VWA8: variants seen among roughly 807,000 people sequenced by gnomAD.
VWA8 encodes the protein von Willebrand factor A domain-containing protein 8.
Under a neutral mutation model 241.5 loss-of-function variants are expected in VWA8, and 221 were observed. The ratio of observed to expected loss-of-function variants is 0.91; its 90% CI spans 0.82 to 1.02. The LOEUF (loss-of-function observed/expected upper bound fraction) is 1.02. Among genes scored for constraint, VWA8 ranks in the 50% least tolerant of loss-of-function variants. VWA8 has a pLI of 0.00. For synonymous variants in VWA8, 852 were observed against 827.1 expected, an observed-to-expected ratio of 1.03 and a Z score of -0.52; for missense variants, 2,322 against 2,328.7, an observed-to-expected ratio of 1.00 and a Z score of 0.06.
intron 3 of VWA8, among the ~76,000 whole-genome samples, chr13:41,908,342 T>C (rs907860074): frequency 6.6e-6 from 1 of 152,140 alleles, no homozygotes; most frequent in Non-Finnish European, 1.5e-5. Flanking sequence ...GGCGCATGCC[T>C]GTAGTCCCTG....
intron 12 of VWA8, among the ~76,000 whole-genome samples, chr13:41,860,706 A>T (rs930886206): frequency 6.6e-6 from 1 of 152,210 alleles, no homozygotes; most frequent in Admixed American, 6.5e-5. Context: ...ACATAACAAG[A>T]TAGCATACTC....
intron 5 of VWA8, among the ~76,000 whole-genome samples, chr13:41,887,676 A>T (rs1010220812): frequency 2.0e-5 from 3 of 152,204 alleles, no homozygotes; most frequent in Admixed American, 2.0e-4. Flanking sequence ...AAAATACATG[A>T]CTAGAGGTTG....
rs757585303 is a variant in VWA8, at chr13:41,671,148, C to G, written c.4410-1G>C. 6.2e-7 allele frequency: 1 copy of G among 1,613,448 alleles called. No homozygotes were observed. Among genetic ancestry groups the G allele is most frequent in the African/African-American group, 1.3e-5 (1 of 74,874 alleles). ...GGTATACGGCGAGAGAGATTCTGAT[C>G]TGGAAAAAGGAATCCAAGTGAAGCT... On this transcript the variant is annotated splice_acceptor_variant, in intron 36 of 44. Coordinates refer to ENST00000379310, the MANE Select transcript of VWA8 (RefSeq NM_015058.2). LOFTEE classifies it high-confidence loss of function.
chr13:41,598,827 A>AT lies in VWA8; in HGVS notation c.4986+6340dup, dbSNP rs5803097. 4.1e-3 allele frequency among the ~76,000 whole-genome samples: 608 copies of AT among 147,240 alleles called. 12 individuals are homozygous for AT. In the East Asian group the frequency reaches 0.047, roughly 11 times the overall value. ...TTTCAACTGCTTCTCTGCTTTTAGG[A>AT]TTTTTTTTTTTTTAATTTTTGAAAT... On this transcript the variant is annotated intron_variant, in intron 40 of 44. Transcript: ENST00000379310.
chr13:41,865,923 A>C lies in VWA8; in HGVS notation c.1326T>G (p.Asp442Glu). The C allele has an allele frequency of 6.2e-7, 1 of 1,614,222 alleles. No individual in the cohort carries two copies. The highest frequency in any genetic ancestry group is 2.2e-5 in the East Asian group (1 of 44,884). Residue 442 changes from aspartate (D) to glutamate (E), a missense_variant, in exon 11 of 45, where the codon GAT (aspartate) becomes GAG (glutamate). Physicochemically the swap from Asp to Glu is conservative, Grantham distance 45 (BLOSUM62 2). Coordinates refer to ENST00000379310, the MANE Select transcript of VWA8 (RefSeq NM_015058.2). ...AEMMQSHMVK[D>E]ICLIGGKGCG... ...TTACCTTTCCTCCAATTAAACATAT[A>C]TCTTTAACCATGTGAGACTGCATCA...
intron 29 of VWA8, among the ~76,000 whole-genome samples, chr13:41,698,351 T>C (rs1436535294): frequency 2.6e-5 from 4 of 152,180 alleles, no homozygotes; most frequent in South Asian, 2.1e-4. Flanking sequence ...TGGTATTGTA[T>C]AGATTAACTT....
chr13:41,698,680 T>C (rs956505930), intron 29 of VWA8, among the ~76,000 whole-genome samples: 1 of 152,214 alleles, frequency 6.6e-6, no homozygotes, highest in Non-Finnish European at 1.5e-5. Context: ...CTACCCCATC[T>C]ACATCACTCC....
chr13:41,575,732 A>C lies in VWA8; in HGVS notation c.5370+8T>G, dbSNP rs375566517. 18 of 1,588,086 alleles carry C rather than the reference A, an allele frequency of 1.1e-5. No homozygotes were observed. The African/African-American group carries it at 2.3e-4, about 20-fold the overall frequency. ...TTTCATAATACAGAGGTAATAAAATATATTTACCTTCAGAATTTCTAGTCT... is the reference window on the plus strand; with the variant it reads ...TTTCATAATACAGAGGTAATAAAATCTATTTACCTTCAGAATTTCTAGTCT... On this transcript the variant is annotated splice_region_variant and intron_variant, in intron 43 of 44. Transcript: ENST00000379310.
At chr13:41,692,726 A>T in intron 30 of VWA8, 136 bp downstream of exon 30, 1 of 591,092 alleles carries the variant, frequency 1.7e-6, no homozygotes, top group South Asian at 2.2e-5. Flanking sequence ...GTTAAAATCT[A>T]TACGTGCATA....
intron 34 of VWA8, among the ~76,000 whole-genome samples, chr13:41,685,902 T>C (rs1360774750): frequency 6.6e-6 from 1 of 152,202 alleles, no homozygotes; most frequent in Non-Finnish European, 1.5e-5. Context: ...CACGTATGTA[T>C]TTATCCTTCC....
intron 12 of VWA8, among the ~76,000 whole-genome samples, chr13:41,859,094 A>T (rs1386063832): frequency 1.3e-5 from 2 of 151,580 alleles, no homozygotes; most frequent in Non-Finnish European, 2.9e-5. Flanking sequence ...AAAAAAATTT[A>T]AAAAGTCAGC....
Position 41,654,751 on chromosome 13 carries a change from C to T in VWA8, c.4611+16195G>A, listed in dbSNP as rs567409830. On this transcript the variant is annotated intron_variant, in intron 37 of 44. Coordinates refer to ENST00000379310, the MANE Select transcript of VWA8 (RefSeq NM_015058.2). ...TATTGTGATGTTCCTGCCAATGATGCGTAAGCTGGATCTAAAAACAGAAAA... is the reference window on the plus strand; with the variant it reads ...TATTGTGATGTTCCTGCCAATGATGTGTAAGCTGGATCTAAAAACAGAAAA... Among the ~76,000 whole-genome samples the T allele has an allele frequency of 3.9e-4, 59 of 152,204 alleles. 1 individual carries two copies. In the South Asian group the frequency reaches 0.01, roughly 27 times the overall value.
chr13:41,726,293 T>C (rs539056191), intron 24 of VWA8, among the ~76,000 whole-genome samples: 6 of 152,356 alleles, frequency 3.9e-5, no homozygotes, highest in Middle Eastern at 6.8e-3. Context: ...TGCCTATCCT[T>C]GTACTTAAAC....
chr13:41,573,515 C>T (rs1201251410), intron 43 of VWA8, among the ~76,000 whole-genome samples: 1 of 130,510 alleles, frequency 7.7e-6, no homozygotes, highest in Non-Finnish European at 1.6e-5. Flanking sequence ...ATACCTCTCT[C>T]TATATATACG....
intron 41 of VWA8, among the ~76,000 whole-genome samples, chr13:41,589,401 T>C (rs2044440109): frequency 6.6e-6 from 1 of 152,020 alleles, no homozygotes. Flanking sequence ...CACTTGAAGG[T>C]TTCTCTAGGC....
In VWA8 at chr13:41,570,511, C is replaced by T. The variant is rs2044293297; in HGVS notation, c.5566G>A (p.Ala1856Thr). 3.1e-6 allele frequency: 5 copies of T among 1,614,180 alleles called. No individual in the cohort carries two copies. The highest frequency in any genetic ancestry group is 4.2e-6 in the Non-Finnish European group (5 of 1,180,024). Residue 1856 changes from alanine to threonine, a missense_variant, in exon 44 of 45, where the codon GCT becomes ACT. By Grantham distance (58) the Ala-to-Thr change is moderately conservative. Transcript: ENST00000379310. The part of the protein sequence containing the change: ...QILTRDPQVN[A>T]FAIFIGSLGD... Reference sequence around the variant, plus strand: ...AAAGAGCCAATAAAAATGGCAAAAGCATTTACTTGAGGGTCTCTTGTGAGG... The same window carrying T: ...AAAGAGCCAATAAAAATGGCAAAAGTATTTACTTGAGGGTCTCTTGTGAGG...
chr13:41,695,067 G>A (rs913989992), intron 29 of VWA8, among the ~76,000 whole-genome samples: 17 of 152,130 alleles, frequency 1.1e-4, no homozygotes, highest in African/African-American at 3.9e-4. Flanking sequence ...ATAGAATTTT[G>A]CGTCACACAT....
rs74052810 is a variant in VWA8, at chr13:41,679,954, T to C, written c.4328-4658A>G. ...ATCATTATGGTGCCCTCTTGATGTT[T>C]CAGCTTCAGGTATTATCTCTTGCCT... is the stretch of plus-strand genomic sequence containing the variant. On this transcript the variant is annotated intron_variant, in intron 35 of 44. Coordinates refer to ENST00000379310, the MANE Select transcript of VWA8 (RefSeq NM_015058.2). 6.4e-3 allele frequency among the ~76,000 whole-genome samples: 971 copies of C among 151,938 alleles called. 8 individuals carry two copies. The highest frequency in any genetic ancestry group is 0.019 in the African/African-American group (772 of 41,434).
At chr13:41,589,115 C>G (rs1593634607) in intron 41 of VWA8, among the ~76,000 whole-genome samples, 1 of 152,258 alleles carries the variant, frequency 6.6e-6, no homozygotes, top group East Asian at 1.9e-4. Context: ...ACTGCACCCC[C>G]AGCTCTCAGT....
Sources: allele counts gnomAD v4.1 joint callset (sites outside exome capture counted in the v4.1 genomes callset), GRCh38; gene constraint gnomAD v4.1.1; transcripts MANE v1.5; gene names NCBI Gene and HGNC (gene_info 2026-07-23, HGNC 2026-07-21).